The following PAX2 variants were observed in gnomAD, a reference collection of about 807,000 sequenced individuals.
PAX2 encodes the protein paired box protein Pax-2.
In PAX2, 9 loss-of-function variants were observed where a neutral mutation model predicts 41.7. The observed-to-expected ratio is 0.22, with a 90% CI of 0.13 to 0.38. PAX2 has a LOEUF of 0.38. PAX2 is among the 10% of genes least tolerant of loss of function. PAX2 has a pLI of 1.00. For missense variants in PAX2, 418 were observed against 531.6 expected, an observed-to-expected ratio of 0.79 and a Z score of 2.10; for synonymous variants, 221 against 212.7, an observed-to-expected ratio of 1.04 and a Z score of -0.34.
rs1272221198 is a variant in PAX2 at position 100,805,048 on chromosome 10, A to G, written c.617-1382A>G. Among the ~76,000 whole-genome samples the G allele has an allele frequency of 2.0e-5, 3 of 149,166 alleles. No individual in the cohort carries two copies. The East Asian group carries it at 5.9e-4, about 29-fold the overall frequency. On this transcript the variant is annotated intron_variant, in intron 5 of 9. Transcript: ENST00000355243. ...TACACACACACACACACACACACAC[A>G]CACACACACACACACACACACACAC...
intron 7 of PAX2, among the ~76,000 whole-genome samples, chr10:100,823,798 G>A (rs553746753): frequency 3.0e-4 from 45 of 152,278 alleles, no homozygotes; most frequent in Middle Eastern, 6.8e-3. Flanking sequence ...AAGGTAGGGA[G>A]CCCAGTCATG....
At chr10:100,759,536 TCCA>T (rs1232185351) in intron 3 of PAX2, among the ~76,000 whole-genome samples, 1 of 152,116 alleles carries the variant, frequency 6.6e-6, no homozygotes, top group Admixed American at 6.5e-5. Context: ...GAGAGCCATC[TCCA>T]CCCAGAGCCT....
In PAX2 at chr10:100,749,810, G is replaced by T; in HGVS notation, c.108G>T (p.Val36=). The T allele has an allele frequency of 3.7e-6, 6 of 1,611,586 alleles. No homozygotes were observed. The highest frequency in any genetic ancestry group is 5.1e-6 in the Non-Finnish European group (6 of 1,178,672). Residue 36 remains valine (V), a synonymous_variant, in exon 2 of 10, where the codon GTG becomes GTT. Coordinates refer to ENST00000355243, the MANE Select transcript of PAX2 (RefSeq NM_000278.5). ...VFVNGRPLPD[V]VRQRIVELAH... ...TGAACGGCCGGCCCCTACCCGACGT[G>T]GTGAGGCAGCGCATCGTGGAGCTGG...
At chr10:100,735,832 T>C in intron 1 of PAX2, 1 of 796,506 alleles carries the variant, frequency 1.3e-6, no homozygotes, top group South Asian at 5.8e-5. Flanking sequence ...CTTTCATCCC[T>C]GTGCTCAGTA....
At chr10:100,813,052 A>G (rs1354374107) in intron 7 of PAX2, among the ~76,000 whole-genome samples, 1 of 152,264 alleles carries the variant, frequency 6.6e-6, no homozygotes, top group Non-Finnish European at 1.5e-5. Context: ...AAAATACCTC[A>G]TAATGTTTGA....
In PAX2 at chr10:100,746,315, C is replaced by T; in HGVS notation, c.43+12C>T. 2 of 1,544,740 alleles carry T rather than the reference C, an allele frequency of 1.3e-6. No homozygotes were observed. The highest frequency in any genetic ancestry group is 1.8e-6 in the Non-Finnish European group (2 of 1,116,984). On this transcript the variant is annotated intron_variant, in intron 1 of 9. Transcript: ENST00000355243. ...CTCCGCGATGCACCGTGAGTACCGG[C>T]GCCCGGCTCCTGTCCCGGCTCGGGG... is the stretch of plus-strand genomic sequence containing the variant.
At chr10:100,743,048 G>A (rs1169753015), upstream of PAX2, among the ~76,000 whole-genome samples, 1 of 151,634 alleles carries the variant, frequency 6.6e-6, no homozygotes, top group Non-Finnish European at 1.5e-5. Flanking sequence ...TCTCCAGGGA[G>A]CATTACTCTT....
chr10:100,760,752 C>G (rs1374401139), intron 3 of PAX2, among the ~76,000 whole-genome samples: 1 of 151,462 alleles, frequency 6.6e-6, no homozygotes, highest in African/African-American at 2.5e-5. Context: ...CCTCCTCCTC[C>G]TCGTTCCTCA....
chr10:100,828,733 C>G lies in PAX2; in HGVS notation c.*1114C>G, dbSNP rs1015870905. The G allele has an allele frequency of 1.3e-5, 3 of 233,604 alleles. No homozygotes were observed. In the East Asian group the frequency reaches 1.8e-4, roughly 14 times the overall value. The allele number at this position is 233,604 out of a possible 1,614,324, so 14.5% of individuals were successfully genotyped here. The stretch of plus-strand genomic sequence containing the variant: ...TGGGGGGCTGCCCACTCCACTCCTC[C>G]CATCCCCTCCCAGCCTCCTCCTCCG... On this transcript the variant is annotated 3_prime_UTR_variant, in exon 10 of 10. Coordinates refer to ENST00000355243, the MANE Select transcript of PAX2 (RefSeq NM_000278.5). This position sits in a 1 kb window ranked among gnomAD's most constrained non-coding sequence, Gnocchi z 6.5.
intron 3 of PAX2, among the ~76,000 whole-genome samples, chr10:100,772,767 A>G (rs1316344706): frequency 6.6e-6 from 1 of 152,242 alleles, no homozygotes; most frequent in Non-Finnish European, 1.5e-5. Flanking sequence ...AGCCTGCCTC[A>G]AGCCTGGTCA....
chr10:100,809,938 G>A (rs891515035), intron 7 of PAX2, among the ~76,000 whole-genome samples: 5 of 152,224 alleles, frequency 3.3e-5, no homozygotes, highest in Admixed American at 6.5e-5. Context: ...AGGGAAGGCC[G>A]CAGAGCTCCA....
chr10:100,801,387 G>A (rs79911459), intron 5 of PAX2, among the ~76,000 whole-genome samples: 2,685 of 152,296 alleles, frequency 0.018, 97 homozygotes, highest in African/African-American at 0.062. Flanking sequence ...TGTTATCCTC[G>A]AAAGAATAAT....
At chr10:100,751,222 C>A (rs1221635756) in intron 3 of PAX2, among the ~76,000 whole-genome samples, 1 of 152,172 alleles carries the variant, frequency 6.6e-6, no homozygotes. Context: ...GCAGCCGGAG[C>A]CTTTAAAATG....
intron 3 of PAX2, among the ~76,000 whole-genome samples, chr10:100,752,282 C>G (rs1373936899): frequency 2.6e-5 from 4 of 152,238 alleles, no homozygotes; most frequent in African/African-American, 9.7e-5. Context: ...CGGCCTGGCT[C>G]AGCCAGGTAT....
At chr10:100,810,508 G>A (rs1847955255) in intron 7 of PAX2, among the ~76,000 whole-genome samples, 1 of 152,210 alleles carries the variant, frequency 6.6e-6, no homozygotes, top group Non-Finnish European at 1.5e-5. Flanking sequence ...CCAGGACACA[G>A]CCCATGACCA....
intron 1 of PAX2, among the ~76,000 whole-genome samples, 167 bp downstream of exon 1, chr10:100,746,470 C>A (rs540069303): frequency 6.6e-6 from 1 of 152,292 alleles, no homozygotes; most frequent in South Asian, 2.1e-4. Context: ...GTTTCTAATG[C>A]CTCCAGTTTC....
chr10:100,748,992 C>T lies in PAX2; in HGVS notation c.44-754C>T, dbSNP rs1455310567. 1 of 985,348 alleles carries T rather than the reference C, an allele frequency of 1.0e-6. No individual in the cohort carries two copies. Among genetic ancestry groups the T allele is most frequent in the Admixed American group, 6.1e-5 (1 of 16,266 alleles). The allele number at this position is 985,348 out of a possible 1,614,324, so 61.0% of individuals were successfully genotyped here. A position where few individuals can be genotyped will look rare whatever the true frequency, so the allele number is the denominator to read the frequency against. On this transcript the variant is annotated intron_variant, in intron 1 of 9. Coordinates refer to ENST00000355243, the MANE Select transcript of PAX2 (RefSeq NM_000278.5). The surrounding 1 kb of genome is among the most constrained non-coding windows in gnomAD (Gnocchi z 5.0). ...TCTCTGCCTGCTGCCTGGAGCCGCT[C>T]TGCCTCCCTGTCTCTGAGCGCAGCA...
rs950223872 is a variant in PAX2 at position 100,824,034 on chromosome 10, G to A, written c.920-614G>A. Among the ~76,000 whole-genome samples the A allele has an allele frequency of 6.6e-6, 1 of 152,142 alleles. No individual in the cohort carries two copies. The highest frequency in any genetic ancestry group is 1.5e-5 in the Non-Finnish European group (1 of 68,016). On this transcript the variant is annotated intron_variant, in intron 7 of 9. Transcript: ENST00000355243. This position sits in a 1 kb window ranked among gnomAD's most constrained non-coding sequence, Gnocchi z 6.6. ...CAGGGTGGTTTTCTATCATGTAAATGCCATAAACACTAACAGCAAAATAGC... is the reference window on the plus strand; with the variant it reads ...CAGGGTGGTTTTCTATCATGTAAATACCATAAACACTAACAGCAAAATAGC...
intron 5 of PAX2, among the ~76,000 whole-genome samples, chr10:100,795,266 G>A (rs1439318330): frequency 6.6e-6 from 1 of 152,214 alleles, no homozygotes; most frequent in Non-Finnish European, 1.5e-5. Flanking sequence ...TATGTACAAA[G>A]TATGGCAGGA....
Sources: gnomAD v4.1 joint callset for allele counts (sites outside exome capture counted in the v4.1 genomes callset) on GRCh38, gnomAD v4.1.1 for gene constraint, Gnocchi (gnomAD v3.1) non-coding constraint, MANE v1.5 for transcripts, NCBI Gene and HGNC (gene_info 2026-07-23, HGNC 2026-07-21) for gene names.